GABRG3: variants seen among roughly 807,000 people sequenced by gnomAD.
GABRG3 encodes the protein gamma-aminobutyric acid type A receptor subunit gamma3.
GABRG3 carries 25 observed loss-of-function variants against 48.8 expected under a neutral mutation model. That is an observed-to-expected ratio of 0.51 (90% CI 0.37 to 0.72). The LOEUF (loss-of-function observed/expected upper bound fraction) is 0.72, where lower values mean the gene tolerates loss of function less well. Ranked by LOEUF, GABRG3 falls within the 30% of genes least tolerant of loss-of-function variation. The probability of loss-of-function intolerance (pLI) is 0.00; values close to 1 mark genes in which losing one functional copy is unlikely to be tolerated. For missense variants in GABRG3, 394 were observed against 577.9 expected (o/e 0.68, Z 3.26); for synonymous variants, 227 against 217.6 (o/e 1.04, Z -0.38).
chr15:27,026,419 T>C (rs1034312134), intron 2 of GABRG3, among the ~76,000 whole-genome samples: 2 of 152,214 alleles, frequency 1.3e-5, no homozygotes, highest in African/African-American at 4.8e-5. Flanking sequence ...GCTCACCTTG[T>C]ATCTCCTATC....
chr15:27,414,376 G>A (rs1436239607), intron 5 of GABRG3, among the ~76,000 whole-genome samples: 5 of 152,058 alleles, frequency 3.3e-5, no homozygotes, highest in African/African-American at 1.2e-4. Flanking sequence ...GTGAGCCGTG[G>A]CTTTCTTAAC....
chr15:27,047,161 G>A (rs984979885), intron 3 of GABRG3, among the ~76,000 whole-genome samples: 1 of 152,182 alleles, frequency 6.6e-6, no homozygotes, highest in South Asian at 2.1e-4. Context: ...TCTTCAGGCC[G>A]CTGTGTTCTG....
chr15:27,244,931 C>A (rs1595609035), intron 3 of GABRG3, among the ~76,000 whole-genome samples: 1 of 152,008 alleles, frequency 6.6e-6, no homozygotes, highest in East Asian at 1.9e-4. Flanking sequence ...ATGGGGTGGT[C>A]ATGGCTGGTG....
chr15:27,119,532 A>C (rs1034702362), intron 3 of GABRG3, among the ~76,000 whole-genome samples: 2 of 152,198 alleles, frequency 1.3e-5, no homozygotes, highest in African/African-American at 4.8e-5. Context: ...GCATACACTT[A>C]CTGCCTCATG....
chr15:27,513,466 A>G (rs1298173744), intron 6 of GABRG3, among the ~76,000 whole-genome samples: 3 of 152,094 alleles, frequency 2.0e-5, no homozygotes, highest in African/African-American at 7.2e-5. Context: ...AAAGAAAAAA[A>G]AAATGAAAGC....
intron 2 of GABRG3, among the ~76,000 whole-genome samples, chr15:27,003,641 A>C (rs1481171485): frequency 6.6e-6 from 1 of 152,220 alleles, no homozygotes; most frequent in Non-Finnish European, 1.5e-5. Context: ...CAGACATGGC[A>C]ACCATCCGAT....
intron 3 of GABRG3, among the ~76,000 whole-genome samples, chr15:27,188,571 G>A (rs1426947051): frequency 4.6e-5 from 7 of 150,774 alleles, no homozygotes; most frequent in Admixed American, 2.6e-4. Flanking sequence ...TTTTGATGGG[G>A]TTGTTTGTTT....
chr15:27,156,472 G>A (rs549712350), intron 3 of GABRG3, among the ~76,000 whole-genome samples: 1 of 151,980 alleles, frequency 6.6e-6, no homozygotes, highest in Admixed American at 6.6e-5. Context: ...GGAATGAAAC[G>A]AAAAGCAAAG....
chr15:27,280,812 A>G (rs989378229), intron 3 of GABRG3, among the ~76,000 whole-genome samples: 8 of 152,192 alleles, frequency 5.3e-5, no homozygotes, highest in African/African-American at 1.9e-4. Context: ...TGGTGATGGT[A>G]AATTCTACAA....
intron 5 of GABRG3, among the ~76,000 whole-genome samples, chr15:27,375,349 C>T (rs548723832): frequency 1.5e-4 from 23 of 152,158 alleles, no homozygotes; most frequent in African/African-American, 5.3e-4. Context: ...GACAGGAGAG[C>T]AGGGGAAGGT....
intron 3 of GABRG3, among the ~76,000 whole-genome samples, chr15:27,298,490 T>C (rs1892078542): frequency 6.6e-6 from 1 of 152,060 alleles, no homozygotes. Context: ...AGGGGAATAG[T>C]CAATTATGTA....
chr15:27,188,080 G>A lies in GABRG3; in HGVS notation c.271-138729G>A, dbSNP rs866378366. ...ACTCATCATTTTTTATGGCTGCATA[G>A]TATTCCATGGTGTATATGTGCCACA... On this transcript the variant is annotated intron_variant, in intron 3 of 9. Coordinates refer to ENST00000615808, the MANE Select transcript of GABRG3 (RefSeq NM_033223.5). 7.5e-3 allele frequency among the ~76,000 whole-genome samples: 1,139 copies of A among 152,126 alleles called. 21 individuals carry two copies. Among genetic ancestry groups the A allele is most frequent in the African/African-American group, 0.026 (1,075 of 41,474 alleles).
intron 3 of GABRG3, among the ~76,000 whole-genome samples, chr15:27,218,134 C>G (rs972300534): frequency 3.3e-5 from 5 of 152,142 alleles, no homozygotes; most frequent in Non-Finnish European, 5.9e-5. Context: ...CTCCGCCTCC[C>G]AAGCAGCTGG....
At chr15:27,097,890 C>T (rs1474146916) in intron 3 of GABRG3, among the ~76,000 whole-genome samples, 4 of 151,480 alleles carry the variant, frequency 2.6e-5, no homozygotes, top group Non-Finnish European at 5.9e-5. Context: ...GATAATATTA[C>T]AAGCCTGCTG....
chr15:27,304,699 T>C (rs1892333538), intron 3 of GABRG3, among the ~76,000 whole-genome samples: 1 of 152,020 alleles, frequency 6.6e-6, no homozygotes, highest in African/African-American at 2.4e-5. Flanking sequence ...GTGATTACAT[T>C]GGGCCCACCC....
intron 5 of GABRG3, among the ~76,000 whole-genome samples, chr15:27,370,572 C>G (rs1300742943): frequency 6.6e-6 from 1 of 152,204 alleles, no homozygotes; most frequent in Non-Finnish European, 1.5e-5. Context: ...GGCACTGTGA[C>G]ATGCTCCTGT....
At chr15:26,987,834 G>A (rs1895178637) in intron 2 of GABRG3, among the ~76,000 whole-genome samples, 2 of 151,992 alleles carry the variant, frequency 1.3e-5, no homozygotes, top group African/African-American at 2.4e-5. Flanking sequence ...TACTTTATTA[G>A]CATCCTATAG....
intron 5 of GABRG3, among the ~76,000 whole-genome samples, chr15:27,465,580 G>T (rs1436602483): frequency 6.6e-6 from 1 of 152,268 alleles, no homozygotes; most frequent in African/African-American, 2.4e-5. Flanking sequence ...AGATGATTTC[G>T]TGACCATAGG....
intron 3 of GABRG3, among the ~76,000 whole-genome samples, chr15:27,171,372 A>G (rs1336182393): frequency 6.6e-6 from 1 of 152,164 alleles, no homozygotes; most frequent in African/African-American, 2.4e-5. Flanking sequence ...CTACCAATGT[A>G]AAAGCTAGAA....
Sources: gnomAD v4.1 joint callset for allele counts (sites outside exome capture counted in the v4.1 genomes callset) on GRCh38, gnomAD v4.1.1 for gene constraint, MANE v1.5 for transcripts, NCBI Gene and HGNC (gene_info 2026-07-23, HGNC 2026-07-21) for gene names.